The following CHIA variants were observed in gnomAD, a reference collection of about 807,000 sequenced individuals.
CHIA encodes the protein chitinase acidic, also known as acidic mammalian chitinase.
In CHIA, 47 loss-of-function variants were observed where a neutral mutation model predicts 53.5. The ratio of observed to expected loss-of-function variants is 0.88; its 90% CI spans 0.70 to 1.12. The LOEUF (loss-of-function observed/expected upper bound fraction) is 1.12. Ranked by LOEUF, CHIA falls within the 50% of genes most tolerant of loss-of-function variation. The pLI, the probability that CHIA is intolerant of heterozygous loss-of-function variation, is 0.00. For missense variants in CHIA, 652 were observed against 592.2 expected (o/e 1.10, Z -1.05); for synonymous variants, 268 against 222.2 (o/e 1.21, Z -1.83).
intron 1 of CHIA, among the ~76,000 whole-genome samples, chr1:111,309,855 T>G (rs185226908): frequency 1.3e-5 from 2 of 152,316 alleles, no homozygotes; most frequent in Admixed American, 1.3e-4. Context: ...GAGTTCTTGG[T>G]GACCTTTATA....
intron 6 of CHIA, chr1:111,316,645 A>C (rs772442710): frequency 1.3e-5 from 2 of 152,234 alleles, no homozygotes; most frequent in African/African-American, 2.4e-5. Context: ...AGTATGAGGT[A>C]TCTGTAGAGC....
At position 111,315,419 on chromosome 1, in the gene CHIA, T is replaced by TA. The variant is rs1649077422; in HGVS notation, c.464_465insA (p.Phe155LeufsTer10). 1 of 1,613,906 alleles carries TA rather than the reference T, an allele frequency of 6.2e-7. No homozygotes were observed. On this transcript the variant is annotated frameshift_variant, in exon 6 of 12. Transcript: ENST00000369740. LOFTEE classifies it high-confidence loss of function. ...AGCCCTCCTCAGGACAAGCATCTCT[T>TA]CACTGTCCTGGTGCAGGTGGGGAAG...
chr1:111,301,344 T>A (rs950281503), intron 1 of CHIA, among the ~76,000 whole-genome samples: 2 of 152,084 alleles, frequency 1.3e-5, no homozygotes, highest in Non-Finnish European at 2.9e-5. Context: ...TGTCCATCAA[T>A]GATAGACTGA....
rs1241543704 is a variant in CHIA, at chr1:111,312,518, CTTTTA to C, written c.257+129_257+133del. Reference sequence around the variant, plus strand: ...GACCAAGACTCTGCATTTCATTTTTCTTTTATAACTGACAAAAATTGTATGTGTTT... The same window carrying C: ...GACCAAGACTCTGCATTTCATTTTTCTAACTGACAAAAATTGTATGTGTTT... On this transcript the variant is annotated intron_variant, in intron 4 of 11. Coordinates refer to ENST00000369740, the MANE Select transcript of CHIA (RefSeq NM_201653.4). The C allele has an allele frequency of 6.6e-6, 5 of 757,818 alleles. No individual in the cohort carries two copies. In the African/African-American group the frequency reaches 8.7e-5, roughly 13 times the overall value. The allele number at this position is 757,818 out of a possible 1,614,324, so 46.9% of individuals were successfully genotyped here.
At chr1:111,308,217 A>G in intron 1 of CHIA, among the ~76,000 whole-genome samples, 1 of 152,236 alleles carries the variant, frequency 6.6e-6, no homozygotes, top group East Asian at 1.9e-4. Context: ...GGGGATGCCA[A>G]ATTCAATAGA....
intron 5 of CHIA, 57 bp downstream of exon 5, chr1:111,314,653 A>G: frequency 3.2e-6 from 4 of 1,250,522 alleles, no homozygotes; most frequent in Non-Finnish European, 4.7e-6. Flanking sequence ...AGTTAGCCCC[A>G]TGTGATCACT....
chr1:111,311,000 T>C (rs1648617781), intron 2 of CHIA, among the ~76,000 whole-genome samples: 1 of 152,234 alleles, frequency 6.6e-6, no homozygotes, highest in East Asian at 1.9e-4. Context: ...ACCATAAACA[T>C]GTTAGAAATT....
rs771175372 is a variant in CHIA at position 111,318,675 on chromosome 1, C to T, written c.912C>T (p.Tyr304=). The part of the protein sequence containing the change: ...YAKESGIWAY[Y]EICTFLKNGA... ...AGGAGTCTGGGATCTGGGCTTACTA[C>T]GAGGTATGTAGATTGGACTGAAAAG... Residue 304 remains tyrosine (Y), a synonymous_variant, in exon 9 of 12, where the codon TAC becomes TAT. Transcript: ENST00000369740. 9.9e-6 allele frequency: 16 copies of T among 1,612,674 alleles called. No individual in the cohort carries two copies. The highest frequency in any genetic ancestry group is 4.0e-5 in the African/African-American group (3 of 74,906).
In CHIA at chr1:111,319,130, T is replaced by G; in HGVS notation, c.926T>G (p.Phe309Cys). 1 of 1,614,034 alleles carries G rather than the reference T, an allele frequency of 6.2e-7. No homozygotes were observed. The highest frequency in any genetic ancestry group is 2.2e-5 in the East Asian group (1 of 44,882). ...CTTGACTTTTGAAAGATCTGTACCT[T>G]CCTGAAAAATGGAGCCACTCAGGGA... Reference protein sequence around the residue: ...GIWAYYEICTFLKNGATQGWD... With the variant: ...GIWAYYEICTCLKNGATQGWD... Residue 309 changes from phenylalanine to cysteine, a missense_variant, in exon 10 of 12, where the codon TTC (phenylalanine) becomes TGC (cysteine). Phe to Cys is a radical substitution (Grantham distance 205). Transcript: ENST00000369740.
chr1:111,297,901 C>CAAAAAAAAA (rs1188512345), intron 1 of CHIA, among the ~76,000 whole-genome samples: 28 of 31,844 alleles, frequency 8.8e-4, no homozygotes, highest in Non-Finnish European at 1.0e-3. Context: ...AAATGGAAAG[C>CAAAAAAAAA]AAAAAAAAAA....
rs2101646421 is a variant in CHIA at position 111,315,376 on chromosome 1, T to C, written c.421T>C (p.Tyr141His). 6.2e-7 allele frequency: 1 copy of C among 1,614,032 alleles called. No homozygotes were observed. The highest frequency in any genetic ancestry group is 8.5e-7 in the Non-Finnish European group (1 of 1,179,996). Residue 141 changes from tyrosine (Y) to histidine (H), a missense_variant, in exon 6 of 12, where the codon TAC becomes CAC. Coordinates refer to ENST00000369740, the MANE Select transcript of CHIA (RefSeq NM_201653.4). Reference sequence around the variant, plus strand: ...TGACGGGCTGGACTTTGACTGGGAGTACCCTGGCTCTCGTGGGAGCCCTCC... The same window carrying C: ...TGACGGGCTGGACTTTGACTGGGAGCACCCTGGCTCTCGTGGGAGCCCTCC... ...EFDGLDFDWE[Y>H]PGSRGSPPQD...
chr1:111,310,922 C>T (rs1417153352), intron 2 of CHIA, among the ~76,000 whole-genome samples: 1 of 152,160 alleles, frequency 6.6e-6, no homozygotes, highest in African/African-American at 2.4e-5. Flanking sequence ...TGCAAGTTGT[C>T]TTTGTTCTGC....
At chr1:111,307,865 C>T (rs1353675444) in intron 1 of CHIA, among the ~76,000 whole-genome samples, 3 of 152,146 alleles carry the variant, frequency 2.0e-5, no homozygotes, top group Non-Finnish European at 4.4e-5. Context: ...TGGTCTCAAA[C>T]TCCTGACCTC....
intron 4 of CHIA, among the ~76,000 whole-genome samples, chr1:111,314,215 A>C (rs1648953196): frequency 6.6e-6 from 1 of 152,246 alleles, no homozygotes; most frequent in African/African-American, 2.4e-5. Context: ...AAGCTCAAGC[A>C]ACATTTACCA....
At chr1:111,309,825 T>C (rs1044319867) in intron 1 of CHIA, among the ~76,000 whole-genome samples, 2 of 152,218 alleles carry the variant, frequency 1.3e-5, no homozygotes, top group African/African-American at 4.8e-5. Context: ...GGATGTAATT[T>C]GAAACTACAG....
chr1:111,315,478 G>A lies in CHIA; in HGVS notation c.480+43G>A, dbSNP rs201613739. The A allele has an allele frequency of 2.5e-6, 4 of 1,586,410 alleles. No homozygotes were observed. The African/African-American group carries it at 5.4e-5, about 21-fold the overall frequency. On this transcript the variant is annotated intron_variant, in intron 6 of 11. Transcript: ENST00000369740. ...AGTCTTTAGCCCAAAAAGATTCAAA[G>A]TCTTTCTTTCCGAGGAGAATTGGGT...
chr1:111,295,217 G>A (rs1661266203), intron 1 of CHIA, among the ~76,000 whole-genome samples: 2 of 152,106 alleles, frequency 1.3e-5, no homozygotes, highest in Non-Finnish European at 2.9e-5. Flanking sequence ...ATCTCACTCT[G>A]TCACCCAGGC....
In CHIA at chr1:111,303,386, G is replaced by A. The variant is rs371117660; in HGVS notation, c.-68-7014G>A. On this transcript the variant is annotated intron_variant, in intron 1 of 11. Coordinates refer to ENST00000369740, the MANE Select transcript of CHIA (RefSeq NM_201653.4). ...GTTAGTTGATTGTTCGTAGTGAAAT[G>A]TTTACATTTCTTTCTCGTTTCCTTA... Among the ~76,000 whole-genome samples, 7 of 151,902 alleles carry A rather than the reference G, an allele frequency of 4.6e-5. No homozygotes were observed. In the East Asian group the frequency reaches 7.7e-4, roughly 17 times the overall value.
chr1:111,297,900 G>GGAAAAAA (rs1647310787), intron 1 of CHIA, among the ~76,000 whole-genome samples: 1 of 12,534 alleles, frequency 8.0e-5, no homozygotes, highest in African/African-American at 3.4e-4. Flanking sequence ...CAAATGGAAA[G>GGAAAAAA]CAAAAAAAAA....
Sources: gnomAD v4.1 joint callset for allele counts (sites outside exome capture counted in the v4.1 genomes callset) on GRCh38, gnomAD v4.1.1 for gene constraint, MANE v1.5 for transcripts, NCBI Gene and HGNC (gene_info 2026-07-23, HGNC 2026-07-21) for gene names.